EIF2AK1: variants seen among roughly 807,000 people sequenced by gnomAD.
EIF2AK1 encodes eukaryotic translation initiation factor 2 alpha kinase 1, also known as eukaryotic translation initiation factor 2-alpha kinase 1.
In EIF2AK1, 54 loss-of-function variants were observed where a neutral mutation model predicts 77.9. That is an observed-to-expected ratio of 0.69 (90% CI 0.56 to 0.87). The LOEUF is 0.87. Among genes scored for constraint, EIF2AK1 ranks in the 40% least tolerant of loss-of-function variants. EIF2AK1 has a pLI of 0.00. For missense variants in EIF2AK1, 810 were observed against 768.6 expected (o/e 1.05, Z -0.64); for synonymous variants, 314 against 290.5 (o/e 1.08, Z -0.82).
chr7:6,042,548 AG>A (rs1427536494), intron 8 of EIF2AK1, among the ~76,000 whole-genome samples: 2 of 151,530 alleles, frequency 1.3e-5, no homozygotes, highest in African/African-American at 4.8e-5. Flanking sequence ...ACTCCTCCTG[AG>A]CTCCTTGTAG....
At chr7:6,049,705 C>T (rs1204521324) in intron 3 of EIF2AK1, 9 of 449,926 alleles carry the variant, frequency 2.0e-5, no homozygotes, top group South Asian at 1.2e-4. Context: ...TGGCTCACTG[C>T]AGCCTTGAAC....
chr7:6,028,333 C>T (rs936295175), intron 13 of EIF2AK1, among the ~76,000 whole-genome samples: 1 of 152,056 alleles, frequency 6.6e-6, no homozygotes, highest in South Asian at 2.1e-4. Context: ...CTCACTGCAA[C>T]CTCTGCCTCC....
rs111636574 is a variant in EIF2AK1 at position 6,051,962 on chromosome 7, C to G, written c.278-1917G>C. ...CCAAGGCCAGTGGATCATGAGGTCA[C>G]GAGATCGAGATCATCCTGGCTAACA... On this transcript the variant is annotated intron_variant, in intron 2 of 14. Coordinates refer to ENST00000199389, the MANE Select transcript of EIF2AK1 (RefSeq NM_014413.4). 5.3e-5 allele frequency among the ~76,000 whole-genome samples: 8 copies of G among 151,930 alleles called. No homozygotes were observed. In the East Asian group the frequency reaches 1.2e-3, roughly 22 times the overall value.
Position 6,023,326 on chromosome 7 carries a change from A to G in EIF2AK1, c.*1347T>C, listed in dbSNP as rs760513787. The G allele has an allele frequency of 6.2e-7, 1 of 1,601,872 alleles. No individual in the cohort carries two copies. Among genetic ancestry groups the G allele is most frequent in the South Asian group, 1.1e-5 (1 of 89,290 alleles). On this transcript the variant is annotated 3_prime_UTR_variant, in exon 15 of 15. Coordinates refer to ENST00000199389, the MANE Select transcript of EIF2AK1 (RefSeq NM_014413.4). ...AGTGCCGAAGACGCAGATGAAATTC[A>G]GCATCCAGACGATGTGCCCCATCGA...
chr7:6,053,061 T>G (rs1258490669), intron 2 of EIF2AK1, among the ~76,000 whole-genome samples: 1 of 152,186 alleles, frequency 6.6e-6, no homozygotes, highest in Non-Finnish European at 1.5e-5. Flanking sequence ...ACAGTTATAT[T>G]TGTAAGGAAT....
At chr7:6,045,073 T>C (rs542596563) in intron 6 of EIF2AK1, among the ~76,000 whole-genome samples, 18 of 151,640 alleles carry the variant, frequency 1.2e-4, no homozygotes, top group African/African-American at 4.4e-4. Flanking sequence ...AAAACTCCTC[T>C]GTACAAGGCA....
chr7:6,059,025 G>A lies in EIF2AK1; in HGVS notation c.59C>T (p.Ala20Val), dbSNP rs777419460. The change falls in exon 1 of 15, where the codon GCT becomes GTT. Residue 20 changes from alanine to valine, a missense_variant. Around this residue, in one of 3 missense-constraint regions of EIF2AK1, gnomAD observed 246 missense variants for 199.0 expected, o/e 1.24. Transcript: ENST00000199389. ...GTCGATGGCCGGCGGCGCAGCCACA[G>A]CCCCAGCCCCGTCGCCCTCCTCTTC... ...KREEEGDGAG[A>V]VAAPPAIDFP... The A allele has an allele frequency of 5.2e-6, 8 of 1,528,390 alleles. No homozygotes were observed. The highest frequency in any genetic ancestry group is 7.0e-6 in the Non-Finnish European group (8 of 1,142,836). 94.7% of individuals were successfully genotyped at this position (1,528,390 alleles called of 1,614,324 possible). A position where few individuals can be genotyped will look rare whatever the true frequency, so the allele number is the denominator to read the frequency against.
intron 4 of EIF2AK1, among the ~76,000 whole-genome samples, 193 bp downstream of exon 4, chr7:6,048,614 G>C (rs112304714): frequency 9.9e-5 from 15 of 152,266 alleles, no homozygotes; most frequent in African/African-American, 3.6e-4. Context: ...ACTCAGTGGC[G>C]AGAGGCAGGG....
At chr7:6,047,132 G>A (rs1788468959) in intron 4 of EIF2AK1, 41 bp from the exon 5 acceptor site, 2 of 1,558,672 alleles carry the variant, frequency 1.3e-6, no homozygotes, top group East Asian at 4.5e-5. Context: ...AAACATGAGA[G>A]AATCAAAATG....
chr7:6,048,557 G>C (rs1440026140), intron 4 of EIF2AK1, among the ~76,000 whole-genome samples: 1 of 152,164 alleles, frequency 6.6e-6, no homozygotes, highest in East Asian at 1.9e-4. Flanking sequence ...CCCTAACAGA[G>C]CCTGGGTATC....
chr7:6,026,541 A>C (rs745373966), intron 14 of EIF2AK1, 187 bp downstream of exon 14: 1 of 708,556 alleles, frequency 1.4e-6, no homozygotes, highest in Non-Finnish European at 2.6e-6. Context: ...AAGGGGAGTG[A>C]GTCCTGCCAG....
intron 10 of EIF2AK1, 62 bp downstream of exon 10, chr7:6,038,498 A>G (rs984354028): frequency 1.3e-5 from 17 of 1,260,144 alleles, no homozygotes; most frequent in Non-Finnish European, 1.9e-5. Flanking sequence ...CAACTCCTAC[A>G]TGAGATGGGG....
At chr7:6,031,582 T>C (rs1333396462) in intron 11 of EIF2AK1, 1 of 1,550,770 alleles carries the variant, frequency 6.4e-7, no homozygotes, top group East Asian at 2.4e-5. Context: ...ACAGATTACT[T>C]CTGACCCAGG....
In EIF2AK1 at chr7:6,044,550, A is replaced by G; in HGVS notation, c.730+12T>C. 3.1e-6 allele frequency: 5 copies of G among 1,609,978 alleles called. No homozygotes were observed. Among genetic ancestry groups the G allele is most frequent in the Non-Finnish European group, 4.2e-6 (5 of 1,177,504 alleles). ...CAACGCTTCAACTACCATACCATCA[A>G]AAACGGCTTACCTCGTGGCTGAATC... On this transcript the variant is annotated intron_variant, in intron 7 of 14. Coordinates refer to ENST00000199389, the MANE Select transcript of EIF2AK1 (RefSeq NM_014413.4).
At position 6,059,132 on chromosome 7, in the gene EIF2AK1, T is replaced by C. The variant is rs61731536; in HGVS notation, c.-49A>G. ...CCCAGCCCGCCGGCCAGCCCAGCACTGCCACACTCCGATGCTGCAGCTAGC... is the reference window on the plus strand; with the variant it reads ...CCCAGCCCGCCGGCCAGCCCAGCACCGCCACACTCCGATGCTGCAGCTAGC... On this transcript the variant is annotated 5_prime_UTR_variant, in exon 1 of 15. Coordinates refer to ENST00000199389, the MANE Select transcript of EIF2AK1 (RefSeq NM_014413.4). 2 of 1,218,382 alleles carry C rather than the reference T, an allele frequency of 1.6e-6. No homozygotes were observed. The highest frequency in any genetic ancestry group is 1.1e-6 in the Non-Finnish European group (1 of 938,312). The allele number at this position is 1,218,382 out of a possible 1,614,324, so 75.5% of individuals were successfully genotyped here.
At position 6,036,677 on chromosome 7, in the gene EIF2AK1, G is replaced by A. The variant is rs1333462803; in HGVS notation, c.1332+747C>T. On this transcript the variant is annotated intron_variant, in intron 11 of 14. Coordinates refer to ENST00000199389, the MANE Select transcript of EIF2AK1 (RefSeq NM_014413.4). The surrounding 1 kb of genome is among the most constrained non-coding windows in gnomAD (Gnocchi z 4.6). ...CACAAATATATTTTCTCTCTTTCTT[G>A]ATAGCCTTTTGTGGATAAAAATCAA... 3.3e-5 allele frequency among the ~76,000 whole-genome samples: 5 copies of A among 149,828 alleles called. No individual in the cohort carries two copies. Among genetic ancestry groups the A allele is most frequent in the Admixed American group, 1.3e-4 (2 of 14,942 alleles).
rs1002698395 is a variant in EIF2AK1 at position 6,032,065 on chromosome 7, T to G, written c.1333-3033A>C. Among the ~76,000 whole-genome samples the G allele has an allele frequency of 6.6e-6, 1 of 152,014 alleles. No individual in the cohort carries two copies. Among genetic ancestry groups the G allele is most frequent in the Non-Finnish European group, 1.5e-5 (1 of 68,032 alleles). ...GGCAGGAGCCTGTAATCTCAGCTAC[T>G]CGGACGGCTGAGGCAGGAGAATTGC... On this transcript the variant is annotated intron_variant, in intron 11 of 14. Transcript: ENST00000199389. This position sits in a 1 kb window ranked among gnomAD's most constrained non-coding sequence, Gnocchi z 4.3.
At chr7:6,053,240 G>T (rs1252572441) in intron 2 of EIF2AK1, among the ~76,000 whole-genome samples, 1 of 151,950 alleles carries the variant, frequency 6.6e-6, no homozygotes, top group Admixed American at 6.6e-5. Context: ...ATTTATGGGG[G>T]TACATGAGAT....
chr7:6,032,728 G>A lies in EIF2AK1; in HGVS notation c.1333-3696C>T. 2.5e-6 allele frequency: 2 copies of A among 791,140 alleles called. No homozygotes were observed. The highest frequency in any genetic ancestry group is 2.0e-6 in the Non-Finnish European group (1 of 502,298). 49.0% of individuals were successfully genotyped at this position (791,140 alleles called of 1,614,324 possible). ...TCAATGCACATACCAGAAAAAGAGT[G>A]AGCCAATGAGACACTAAATAAATGT... is the stretch of plus-strand genomic sequence containing the variant. On this transcript the variant is annotated intron_variant, in intron 11 of 14. Transcript: ENST00000199389. The surrounding 1 kb of genome is among the most constrained non-coding windows in gnomAD (Gnocchi z 4.3).
Sources: gnomAD v4.1 joint callset for allele counts (sites outside exome capture counted in the v4.1 genomes callset) on GRCh38, gnomAD v4.1.1 for gene constraint, gnomAD v4.1.1 regional missense constraint, Gnocchi (gnomAD v3.1) non-coding constraint, MANE v1.5 for transcripts, NCBI Gene and HGNC (gene_info 2026-07-23, HGNC 2026-07-21) for gene names.